ZNF678: variants seen among roughly 807,000 people sequenced by gnomAD.
The protein encoded by ZNF678 is zinc finger protein 678, also known as hypothetical protein MGC42493.
ZNF678 carries 5 observed loss-of-function variants against 3.0 expected under a neutral mutation model. The ratio of observed to expected loss-of-function variants is 1.69; its 90% CI spans 0.88 to 3.56. ZNF678 has a LOEUF of 3.56. ZNF678 is among the 30% of genes most tolerant of loss of function. ZNF678 has a pLI of 0.00. For synonymous variants in ZNF678, 218 were observed against 199.6 expected (o/e 1.09, Z -0.78); for missense variants, 593 against 605.0 (o/e 0.98, Z 0.21).
At chr1:227,578,911 C>T (rs779155242) in intron 1 of ZNF678, among the ~76,000 whole-genome samples, 62 of 152,128 alleles carry the variant, frequency 4.1e-4, no homozygotes, top group African/African-American at 9.4e-4. Flanking sequence ...CCTTTGGATG[C>T]GCTTTCTTCT....
chr1:227,656,149 A>G lies in ZNF678; in HGVS notation c.*321A>G. Reference sequence around the variant, plus strand: ...TATGCCTTAGAAAACACCAGAGTTTATAGTATAGTAGAATATATTTTACAG... The same window carrying G: ...TATGCCTTAGAAAACACCAGAGTTTGTAGTATAGTAGAATATATTTTACAG... On this transcript the variant is annotated 3_prime_UTR_variant, in exon 4 of 4. Transcript: ENST00000343776. The G allele has an allele frequency of 5.5e-6, 1 of 183,164 alleles. No individual in the cohort carries two copies. The highest frequency in any genetic ancestry group is 1.1e-5 in the Non-Finnish European group (1 of 87,836). The allele number at this position is 183,164 out of a possible 1,614,324, so 11.3% of individuals were successfully genotyped here. A position where few individuals can be genotyped will look rare whatever the true frequency, so the allele number is the denominator to read the frequency against.
At chr1:227,652,248 T>C (rs1042162234) in intron 3 of ZNF678, among the ~76,000 whole-genome samples, 2 of 152,212 alleles carry the variant, frequency 1.3e-5, no homozygotes, top group African/African-American at 4.8e-5. Context: ...TAATGTACTT[T>C]TCCCAGTATA....
chr1:227,662,941 C>T (rs1019392301), downstream of ZNF678, among the ~76,000 whole-genome samples: 4 of 152,112 alleles, frequency 2.6e-5, no homozygotes, highest in Admixed American at 1.3e-4. Context: ...ATAGTCAGTG[C>T]CTCAGAATGG....
At chr1:227,610,980 A>G (rs1007264144) in intron 1 of ZNF678, among the ~76,000 whole-genome samples, 15 of 152,298 alleles carry the variant, frequency 9.8e-5, no homozygotes, top group African/African-American at 3.4e-4. Context: ...TACATCAGAC[A>G]TTGTCACCAT....
At chr1:227,624,931 C>T (rs1437163718) in intron 1 of ZNF678, among the ~76,000 whole-genome samples, 2 of 152,158 alleles carry the variant, frequency 1.3e-5, no homozygotes, top group Non-Finnish European at 2.9e-5. Context: ...CCGCAACAAA[C>T]GCGGACCGGA....
At chr1:227,581,522 GGTCATAAAATGTGTA>G (rs1657129119) in intron 1 of ZNF678, among the ~76,000 whole-genome samples, 1 of 152,078 alleles carries the variant, frequency 6.6e-6, no homozygotes, top group Non-Finnish European at 1.5e-5. Context: ...TGAACTTTAT[GGTCATAAAATGTGTA>G]CTCTTTATGA....
At position 227,641,542 on chromosome 1, in the gene ZNF678, A is replaced by G. The variant is rs2102791552; in HGVS notation, c.-163-5002A>G. On this transcript the variant is annotated intron_variant, in intron 1 of 3. Coordinates refer to ENST00000343776, the MANE Select transcript of ZNF678 (RefSeq NM_001367909.1). Reference sequence around the variant, plus strand: ...GAGAGTTTTTCTGGAGTTGAAAATAATTTTGTTTTTAGTTGCTTTTTAAAC... The same window carrying G: ...GAGAGTTTTTCTGGAGTTGAAAATAGTTTTGTTTTTAGTTGCTTTTTAAAC... Among the ~76,000 whole-genome samples, 2 of 152,246 alleles carry G rather than the reference A, an allele frequency of 1.3e-5. 1 individual carries two copies.
At chr1:227,573,794 A>G (rs1416284291) in intron 1 of ZNF678, among the ~76,000 whole-genome samples, 2 of 140,364 alleles carry the variant, frequency 1.4e-5, no homozygotes, top group Non-Finnish European at 3.1e-5. Context: ...AGTATTCATT[A>G]GTTATTTTTT....
At chr1:227,604,144 A>C (rs1179640035) in intron 1 of ZNF678, among the ~76,000 whole-genome samples, 1 of 152,222 alleles carries the variant, frequency 6.6e-6, no homozygotes, top group Non-Finnish European at 1.5e-5. Flanking sequence ...ACAATGTTCC[A>C]GTGAGTCTTT....
chr1:227,649,856 A>G (rs1216605231), intron 2 of ZNF678, among the ~76,000 whole-genome samples: 4 of 151,974 alleles, frequency 2.6e-5, no homozygotes, highest in African/African-American at 4.8e-5. Context: ...TTTCAATTTT[A>G]TTATTATTAT....
rs554280668 is a variant in ZNF678, at chr1:227,643,863, C to CTT, written c.-163-2664_-163-2663dup. On this transcript the variant is annotated intron_variant, in intron 1 of 3. Transcript: ENST00000343776. ...TATATATTTTCTTTTCTTTTCTTTT[C>CTT]TTTTTTTTTTTTTTTTTTGAGATGG... is the stretch of plus-strand genomic sequence containing the variant. Among the ~76,000 whole-genome samples the CTT allele has an allele frequency of 9.4e-4, 108 of 115,376 alleles. 1 individual carries two copies. Among genetic ancestry groups the CTT allele is most frequent in the African/African-American group, 2.2e-3 (64 of 29,364 alleles). 75.7% of individuals were successfully genotyped at this position (115,376 alleles called of 152,430 possible). A position where few individuals can be genotyped will look rare whatever the true frequency, so the allele number is the denominator to read the frequency against.
chr1:227,597,347 G>A (rs1657619491), intron 1 of ZNF678, among the ~76,000 whole-genome samples: 1 of 152,196 alleles, frequency 6.6e-6, no homozygotes, highest in Non-Finnish European at 1.5e-5. Flanking sequence ...TTCCAGCGTG[G>A]GCGTCATAGC....
intron 1 of ZNF678, among the ~76,000 whole-genome samples, chr1:227,598,215 A>G (rs1489314654): frequency 6.6e-6 from 1 of 152,220 alleles, no homozygotes; most frequent in Non-Finnish European, 1.5e-5. Context: ...ATTATCAAGC[A>G]CTGGAAGAGA....
At chr1:227,567,139 G>A (rs1434391718) in intron 1 of ZNF678, among the ~76,000 whole-genome samples, 1 of 152,134 alleles carries the variant, frequency 6.6e-6, no homozygotes, top group East Asian at 1.9e-4. Context: ...CCTCTTAGAA[G>A]GGTTCACATT....
chr1:227,594,451 A>T (rs1363618517), intron 1 of ZNF678, among the ~76,000 whole-genome samples: 1 of 152,206 alleles, frequency 6.6e-6, no homozygotes. Context: ...CTGTGCTTTT[A>T]TTTTAATGTC....
chr1:227,620,294 C>T (rs975476748), intron 1 of ZNF678, among the ~76,000 whole-genome samples: 10 of 152,158 alleles, frequency 6.6e-5, no homozygotes, highest in African/African-American at 2.4e-4. Context: ...CCCTTCCTCC[C>T]CTCCATTTTT....
At chr1:227,585,021 T>A (rs1238831936) in intron 1 of ZNF678, among the ~76,000 whole-genome samples, 1 of 152,238 alleles carries the variant, frequency 6.6e-6, no homozygotes, top group Non-Finnish European at 1.5e-5. Context: ...GGAGTCACTC[T>A]GAGAGAGACT....
chr1:227,578,600 T>C (rs1657045026), intron 1 of ZNF678, among the ~76,000 whole-genome samples: 1 of 152,230 alleles, frequency 6.6e-6, no homozygotes, highest in Non-Finnish European at 1.5e-5. Flanking sequence ...CACAGTTATG[T>C]TCTTTTCTAT....
chr1:227,666,775 GC>G (rs1306192517), downstream of ZNF678, among the ~76,000 whole-genome samples: 2 of 52,454 alleles, frequency 3.8e-5, no homozygotes, highest in Non-Finnish European at 7.2e-5. Flanking sequence ...GTAGAGTTTT[GC>G]TGTTTTTGCC....
Sources: allele counts gnomAD v4.1 joint callset (sites outside exome capture counted in the v4.1 genomes callset), GRCh38; gene constraint gnomAD v4.1.1; transcripts MANE v1.5; gene names NCBI Gene and HGNC (gene_info 2026-07-23, HGNC 2026-07-21).